The following CSRNP2 variants were observed in gnomAD, a reference collection of about 807,000 sequenced individuals.
CSRNP2 encodes the protein cysteine and serine rich nuclear protein 2.
A neutral mutation model predicts 36.6 loss-of-function variants in CSRNP2; 11 were observed. The ratio of observed to expected loss-of-function variants is 0.30; its 90% CI spans 0.19 to 0.50. The LOEUF is 0.50. Among genes scored for constraint, CSRNP2 ranks in the 20% least tolerant of loss-of-function variants. The pLI is 0.98. For missense variants in CSRNP2, 483 were observed against 691.4 expected (o/e 0.70, Z 3.38); for synonymous variants, 248 against 275.3 (o/e 0.90, Z 0.98).
intron 4 of CSRNP2, among the ~76,000 whole-genome samples, chr12:51,066,791 T>C (rs968475497): frequency 9.2e-5 from 14 of 152,162 alleles, no homozygotes; most frequent in African/African-American, 3.1e-4. Context: ...TACTGAACAA[T>C]AAGTGTTTGC....
intron 3 of CSRNP2, 33 bp from the exon 4 acceptor site, chr12:51,068,002 A>C: frequency 6.3e-7 from 1 of 1,596,380 alleles, no homozygotes; most frequent in Non-Finnish European, 8.6e-7. Context: ...AGCCTCATAG[A>C]CATGAGCGGC....
intron 1 of CSRNP2, among the ~76,000 whole-genome samples, chr12:51,077,206 A>C (rs1939437295): frequency 6.6e-6 from 1 of 152,182 alleles, no homozygotes; most frequent in South Asian, 2.1e-4. Flanking sequence ...CAGCCTCCAG[A>C]GTAGCTGGGA....
At chr12:51,080,151 GGCAGGCAGGCA>G (rs1386559468) in intron 1 of CSRNP2, among the ~76,000 whole-genome samples, 2 of 4,452 alleles carry the variant, frequency 4.5e-4, no homozygotes, top group Admixed American at 2.9e-3. Flanking sequence ...CAGGCAGGCA[GGCAGGCAGGCA>G]GGCAGGCAGG....
chr12:51,082,335 T>C (rs1592775972), intron 1 of CSRNP2, among the ~76,000 whole-genome samples: 1 of 152,066 alleles, frequency 6.6e-6, no homozygotes, highest in African/African-American at 2.4e-5. Context: ...TAACACAAGG[T>C]TAGAATTTTC....
intron 1 of CSRNP2, among the ~76,000 whole-genome samples, chr12:51,079,603 A>T (rs1939534589): frequency 1.4e-5 from 1 of 72,700 alleles, no homozygotes; most frequent in Non-Finnish European, 3.8e-5. Context: ...CTCCACTAAA[A>T]ATCCAAAAAA....
At chr12:51,077,867 T>G (rs1457095420) in intron 1 of CSRNP2, among the ~76,000 whole-genome samples, 1 of 152,256 alleles carries the variant, frequency 6.6e-6, no homozygotes, top group African/African-American at 2.4e-5. Flanking sequence ...AGTGTTGTTT[T>G]CAACACACTT....
intron 4 of CSRNP2, among the ~76,000 whole-genome samples, chr12:51,066,828 T>C (rs1360632841): frequency 1.3e-5 from 2 of 152,068 alleles, no homozygotes; most frequent in Non-Finnish European, 2.9e-5. Flanking sequence ...CCCACACCAT[T>C]CCTCTGCTAA....
At position 51,074,042 on chromosome 12, in the gene CSRNP2, C is replaced by A; in HGVS notation, c.192G>T (p.Lys64Asn). 2 of 1,614,270 alleles carry A rather than the reference C, an allele frequency of 1.2e-6. No individual in the cohort carries two copies. Among genetic ancestry groups the A allele is most frequent in the Non-Finnish European group, 1.7e-6 (2 of 1,180,054 alleles). ...ILKRQKQLRR[K>N]NVRFDQVTVY... ...CAGTCACCTGGTCAAAGCGTACATTCTTCCTCCGCAGCTGCTTCTGCCGCT... is the reference window on the plus strand; with the variant it reads ...CAGTCACCTGGTCAAAGCGTACATTATTCCTCCGCAGCTGCTTCTGCCGCT... Residue 64 changes from lysine to asparagine, a missense_variant, in exon 3 of 5, where the codon AAG becomes AAT. By Grantham distance (94) the Lys-to-Asn change is moderately conservative. Around this residue, in one of 2 missense-constraint regions of CSRNP2, gnomAD observed 206 missense variants for 367.8 expected, o/e 0.56. Coordinates refer to ENST00000228515, the MANE Select transcript of CSRNP2 (RefSeq NM_030809.3).
At chr12:51,072,096 C>T (rs1313497151) in intron 3 of CSRNP2, among the ~76,000 whole-genome samples, 1 of 152,180 alleles carries the variant, frequency 6.6e-6, no homozygotes. Context: ...TCTCATGACT[C>T]TGGAAATAAT....
At chr12:51,079,529 G>A (rs1194896901) in intron 1 of CSRNP2, among the ~76,000 whole-genome samples, 23 of 148,202 alleles carry the variant, frequency 1.6e-4, no homozygotes, top group Non-Finnish European at 2.2e-4. Flanking sequence ...TTGGGAGGCC[G>A]AGGCGGGCAG....
At position 51,083,454 on chromosome 12, in the gene CSRNP2, G is replaced by C. The variant is rs983512888; in HGVS notation, c.-202C>G. The C allele has an allele frequency of 6.6e-6, 1 of 152,306 alleles. No individual in the cohort carries two copies. Among genetic ancestry groups the C allele is most frequent in the South Asian group, 2.1e-4 (1 of 4,840 alleles). 9.4% of individuals were successfully genotyped at this position (152,306 alleles called of 1,614,324 possible). On this transcript the variant is annotated 5_prime_UTR_variant, in exon 1 of 5. Transcript: ENST00000228515. Reference sequence around the variant, plus strand: ...AGCGAGTCCCGGGCCCCGCGGCGACGGCCGGGGAGCTCCCAGGGCGGCAGG... The same window carrying C: ...AGCGAGTCCCGGGCCCCGCGGCGACCGCCGGGGAGCTCCCAGGGCGGCAGG...
chr12:51,066,640 CA>C (rs11432305), intron 4 of CSRNP2, among the ~76,000 whole-genome samples: 13 of 145,328 alleles, frequency 8.9e-5, no homozygotes, highest in African/African-American at 1.5e-4. Flanking sequence ...GACTCCGTCT[CA>C]AAAAAAAAAA....
Position 51,063,944 on chromosome 12 carries a change from T to C in CSRNP2, c.1434A>G (p.Thr478=). 3 of 1,613,040 alleles carry C rather than the reference T, an allele frequency of 1.9e-6. No homozygotes were observed. The highest frequency in any genetic ancestry group is 2.5e-6 in the Non-Finnish European group (3 of 1,179,190). The change falls in exon 5 of 5, where the codon ACA becomes ACG. Residue 478 remains threonine (T), a synonymous_variant. Coordinates refer to ENST00000228515, the MANE Select transcript of CSRNP2 (RefSeq NM_030809.3). ...AALCKSEVGK[T]PTLEALLPED... The stretch of plus-strand genomic sequence containing the variant: ...CGGGCAATAGAGCTTCTAGGGTGGG[T>C]GTTTTCCCCACCTCTGATTTACAGA...
rs1162119937 is a variant in CSRNP2, at chr12:51,063,928, G to C, written c.1450C>G (p.Leu484Val). The C allele has an allele frequency of 1.2e-6, 2 of 1,613,916 alleles. No individual in the cohort carries two copies. The highest frequency in any genetic ancestry group is 1.7e-6 in the Non-Finnish European group (2 of 1,179,828). Residue 484 changes from leucine (L) to valine (V), a missense_variant, in exon 5 of 5, where the codon CTA (leucine) becomes GTA (valine). Around this residue, in one of 2 missense-constraint regions of CSRNP2, gnomAD observed 277 missense variants for 323.6 expected, o/e 0.86. Transcript: ENST00000228515. ...EVGKTPTLEA[L>V]LPEDCNPEEP... is the part of the protein sequence containing the mutation. ...TCAGGGTTACAATCTTCGGGCAATA[G>C]AGCTTCTAGGGTGGGTGTTTTCCCC...
Position 51,064,488 on chromosome 12 carries a change from G to C in CSRNP2, c.890C>G (p.Thr297Ser). 6.2e-7 allele frequency: 1 copy of C among 1,610,606 alleles called. No homozygotes were observed. The change falls in exon 5 of 5, where the codon ACT becomes AGT. Residue 297 changes from threonine to serine, a missense_variant. Physicochemically the swap from Thr to Ser is moderately conservative, Grantham distance 58. Transcript: ENST00000228515. ...TGCTCCTGTCAGGCTGCAACTGGCA[G>C]TCGGGGAGGGCTCCTCATCTGGGGC... ...PAAPDEEPSP[T>S]ASCSLTGAQG... is the part of the protein sequence containing the mutation.
Position 51,063,654 on chromosome 12 carries a change from G to T in CSRNP2, c.*92C>A. ...ACCCCAATAAAATAACATGGGAGCAGCAGCTGCTTCTACAGTTTTGTTTTG... is the reference window on the plus strand; with the variant it reads ...ACCCCAATAAAATAACATGGGAGCATCAGCTGCTTCTACAGTTTTGTTTTG... On this transcript the variant is annotated 3_prime_UTR_variant, in exon 5 of 5. Transcript: ENST00000228515. The T allele has an allele frequency of 1.0e-6, 1 of 989,364 alleles. No individual in the cohort carries two copies. The highest frequency in any genetic ancestry group is 1.4e-6 in the Non-Finnish European group (1 of 694,864). The allele number at this position is 989,364 out of a possible 1,614,324, so 61.3% of individuals were successfully genotyped here.
At chr12:51,074,541 A>C (rs1040269075) in intron 2 of CSRNP2, among the ~76,000 whole-genome samples, 2 of 152,110 alleles carry the variant, frequency 1.3e-5, no homozygotes, top group African/African-American at 4.8e-5. Flanking sequence ...TAATATCTTC[A>C]AATCCTAAAT....
chr12:51,078,158 G>T (rs1231339060), intron 1 of CSRNP2, among the ~76,000 whole-genome samples: 1 of 152,244 alleles, frequency 6.6e-6, no homozygotes, highest in Non-Finnish European at 1.5e-5. Flanking sequence ...ATATACTGTG[G>T]TGTCAAGAGA....
chr12:51,073,817 AG>A lies in CSRNP2; in HGVS notation c.411+5del. 6.2e-7 allele frequency: 1 copy of A among 1,612,824 alleles called. No individual in the cohort carries two copies. Among genetic ancestry groups the A allele is most frequent in the Non-Finnish European group, 8.5e-7 (1 of 1,179,514 alleles). On this transcript the variant is annotated splice_donor_5th_base_variant and intron_variant, in intron 3 of 4. Transcript: ENST00000228515. ...GACAGCAGTAGATCCCAGAACACTT[AG>A]GCACCTTCATTTTCTTGGCATGGAG...
Sources: gnomAD v4.1 joint callset for allele counts (sites outside exome capture counted in the v4.1 genomes callset) on GRCh38, gnomAD v4.1.1 for gene constraint, gnomAD v4.1.1 regional missense constraint, MANE v1.5 for transcripts, NCBI Gene and HGNC (gene_info 2026-07-23, HGNC 2026-07-21) for gene names.